The following CPA5 variants were observed in gnomAD, a reference collection of about 807,000 sequenced individuals.
CPA5 encodes carboxypeptidase A5.
In CPA5, 38 loss-of-function variants were observed where a neutral mutation model predicts 52.2. The observed-to-expected ratio is 0.73, with a 90% CI of 0.56 to 0.95. The LOEUF is 0.95. Among genes scored for constraint, CPA5 ranks in the 40% least tolerant of loss-of-function variants. CPA5 has a pLI of 0.00. For missense variants in CPA5, 519 were observed against 566.7 expected (o/e 0.92, Z 0.86); for synonymous variants, 198 against 213.7 (o/e 0.93, Z 0.64).
chr7:130,349,920 A>T, intron 4 of CPA5, 55 bp from the exon 5 acceptor site: 1 of 1,568,786 alleles, frequency 6.4e-7, no homozygotes, highest in Non-Finnish European at 8.6e-7. Flanking sequence ...CACCTACAGG[A>T]TTGTGTGGAA....
rs1554407008 is a variant in CPA5, at chr7:130,362,513, G to A, written c.610G>A (p.Ala204Thr). 1 of 1,613,506 alleles carries A rather than the reference G, an allele frequency of 6.2e-7. No homozygotes were observed. Among genetic ancestry groups the A allele is most frequent in the Admixed American group, 1.7e-5 (1 of 60,008 alleles). Residue 204 changes from alanine to threonine, a missense_variant, in exon 8 of 13, where the codon GCC (alanine) becomes ACC (threonine). By Grantham distance (58) the Ala-to-Thr change is moderately conservative. Coordinates refer to ENST00000474905, the MANE Select transcript of CPA5 (RefSeq NM_080385.5). ...TCACTCCCGGGAGTGGATCACCCAT[G>A]CCACCGGCATCTGGACTGCCAATAA... ...GIHSREWITH[A>T]TGIWTANKIV...
intron 5 of CPA5, among the ~76,000 whole-genome samples, chr7:130,355,626 T>C (rs4731687): frequency 0.19 from 29,384 of 152,228 alleles, 3,269 homozygotes; most frequent in African/African-American, 0.3. Context: ...AGGCCAGTCT[T>C]GAACTCCGGA....
rs1796226818 is a variant in CPA5, at chr7:130,368,520, C to T, written c.1234C>T (p.Gln412Ter). 1.9e-6 allele frequency: 3 copies of T among 1,614,040 alleles called. No homozygotes were observed. Among genetic ancestry groups the T allele is most frequent in the African/African-American group, 1.3e-5 (1 of 74,916 alleles). Residue 412 changes from glutamine (Q) to a stop codon, truncating the protein, a stop_gained, in exon 13 of 13, where the codon CAG becomes TAG. Coordinates refer to ENST00000474905, the MANE Select transcript of CPA5 (RefSeq NM_080385.5). LOFTEE classifies it high-confidence loss of function. The stretch of plus-strand genomic sequence containing the variant: ...GTATGGCTTCCTGCTGCCGGCCACA[C>T]AGATCATCCCCACGGCCCAGGAGAC... The part of the protein sequence containing the change: ...GQYGFLLPAT[Q>*]IIPTAQETWM...
intron 3 of CPA5, among the ~76,000 whole-genome samples, chr7:130,346,823 A>G (rs999443299): frequency 7.2e-5 from 11 of 152,164 alleles, no homozygotes; most frequent in Non-Finnish European, 1.6e-4. Flanking sequence ...TCCAGAGTCC[A>G]GGAGGAAGCC....
intron 5 of CPA5, among the ~76,000 whole-genome samples, chr7:130,356,794 T>C (rs1391154770): frequency 6.6e-6 from 1 of 152,192 alleles, no homozygotes; most frequent in Non-Finnish European, 1.5e-5. Context: ...TTCTCCTCCC[T>C]GTCCTCCACT....
chr7:130,368,641 C>G lies in CPA5; in HGVS notation c.*44C>G. 6.2e-7 allele frequency: 1 copy of G among 1,601,854 alleles called. No individual in the cohort carries two copies. On this transcript the variant is annotated 3_prime_UTR_variant, in exon 13 of 13. Transcript: ENST00000474905. Reference sequence around the variant, plus strand: ...GAGGCTCCATCCTTCTCCCCAAGGTCTGTGGCTCCTCCCGAAACCCAAGTT... The same window carrying G: ...GAGGCTCCATCCTTCTCCCCAAGGTGTGTGGCTCCTCCCGAAACCCAAGTT...
At chr7:130,373,520 G>A (rs1584846708), downstream of CPA5, among the ~76,000 whole-genome samples, 3 of 152,268 alleles carry the variant, frequency 2.0e-5, no homozygotes, top group Non-Finnish European at 2.9e-5. Flanking sequence ...TGAGGGGCCT[G>A]TGTGAGGCCA....
intron 6 of CPA5, among the ~76,000 whole-genome samples, chr7:130,360,010 C>G (rs1554406177): frequency 6.6e-6 from 1 of 152,184 alleles, no homozygotes. Context: ...TAGAAGCTAC[C>G]TTCATCTTGA....
In CPA5 at chr7:130,346,147, TC is replaced by T. The variant is rs1794721753; in HGVS notation, c.-93-243del. On this transcript the variant is annotated intron_variant, in intron 2 of 12. Transcript: ENST00000474905. Reference sequence around the variant, plus strand: ...TAGAGGAGGGAGGAAAGGAGGGGTATCCCAGGGCTGCTGGCTACTTTGGTCT... The same window carrying T: ...TAGAGGAGGGAGGAAAGGAGGGGTATCCAGGGCTGCTGGCTACTTTGGTCT... Among the ~76,000 whole-genome samples, 3 of 152,194 alleles carry T rather than the reference TC, an allele frequency of 2.0e-5. No homozygotes were observed. In the East Asian group the frequency reaches 5.8e-4, roughly 29 times the overall value.
chr7:130,361,623 A>G (rs569721532), intron 7 of CPA5, among the ~76,000 whole-genome samples: 1 of 152,302 alleles, frequency 6.6e-6, no homozygotes, highest in Non-Finnish European at 1.5e-5. Context: ...TTTGCTAATG[A>G]GGTCATCTGG....
At chr7:130,361,625 G>A (rs1198807998) in intron 7 of CPA5, among the ~76,000 whole-genome samples, 1 of 152,280 alleles carries the variant, frequency 6.6e-6, no homozygotes, top group African/African-American at 2.4e-5. Flanking sequence ...TGCTAATGAG[G>A]TCATCTGGCT....
downstream of CPA5, among the ~76,000 whole-genome samples, chr7:130,373,621 C>T (rs1403091850): frequency 6.6e-6 from 1 of 152,228 alleles, no homozygotes; most frequent in African/African-American, 2.4e-5. Context: ...CCTCCATGGC[C>T]CCTCTGACCA....
Position 130,368,660 on chromosome 7 carries a change from C to A in CPA5, c.*63C>A. On this transcript the variant is annotated 3_prime_UTR_variant, in exon 13 of 13. Coordinates refer to ENST00000474905, the MANE Select transcript of CPA5 (RefSeq NM_080385.5). ...CAAGGTCTGTGGCTCCTCCCGAAACCCAAGTTATGCATCCCCATCCCCATG... is the reference window on the plus strand; with the variant it reads ...CAAGGTCTGTGGCTCCTCCCGAAACACAAGTTATGCATCCCCATCCCCATG... 1.3e-6 allele frequency: 2 copies of A among 1,531,004 alleles called. No homozygotes were observed. The highest frequency in any genetic ancestry group is 4.5e-5 in the East Asian group (2 of 44,414). The allele number at this position is 1,531,004 out of a possible 1,614,324, so 94.8% of individuals were successfully genotyped here.
chr7:130,362,002 G>T (rs1795816445), intron 7 of CPA5, among the ~76,000 whole-genome samples: 1 of 152,050 alleles, frequency 6.6e-6, no homozygotes, highest in Non-Finnish European at 1.5e-5. Context: ...CTCTAATGTT[G>T]TCTGAAGCCT....
chr7:130,347,860 C>T lies in CPA5; in HGVS notation c.198+13C>T, dbSNP rs782136139. ...GAAACCCCAGAAGGTGAGGACTCCT[C>T]AGGCTTGAGGACAACCCCACCCCCT... On this transcript the variant is annotated intron_variant, in intron 4 of 12. Coordinates refer to ENST00000474905, the MANE Select transcript of CPA5 (RefSeq NM_080385.5). 129 of 1,610,350 alleles carry T rather than the reference C, an allele frequency of 8.0e-5. No homozygotes were observed. Among genetic ancestry groups the T allele is most frequent in the Non-Finnish European group, 1.1e-4 (126 of 1,176,878 alleles).
At chr7:130,367,618 G>A (rs4537231) in intron 11 of CPA5, 47 bp downstream of exon 11, 286,274 of 1,528,650 alleles carry the variant, frequency 0.19, 28,518 homozygotes, top group Middle Eastern at 0.2. Flanking sequence ...CGCTTCACAG[G>A]AAAATCCATA....
At chr7:130,362,791 T>C (rs1409454272) in intron 8 of CPA5, 93 bp from the exon 9 acceptor site, 2 of 780,298 alleles carry the variant, frequency 2.6e-6, no homozygotes, top group Admixed American at 4.2e-5. Flanking sequence ...TTTCATGCCA[T>C]CCCTTCCTGC....
chr7:130,352,918 G>A (rs1372388095), intron 5 of CPA5, among the ~76,000 whole-genome samples: 1 of 150,768 alleles, frequency 6.6e-6, no homozygotes, highest in Non-Finnish European at 1.5e-5. Flanking sequence ...GGCTTTTAAT[G>A]GCTTTTTTTC....
intron 5 of CPA5, among the ~76,000 whole-genome samples, chr7:130,356,399 G>T (rs1562953550): frequency 6.6e-6 from 1 of 152,200 alleles, no homozygotes; most frequent in Non-Finnish European, 1.5e-5. Flanking sequence ...TCTTTGTTTT[G>T]TTGTTTTTTC....
Sources: gnomAD v4.1 joint callset for allele counts (sites outside exome capture counted in the v4.1 genomes callset) on GRCh38, gnomAD v4.1.1 for gene constraint, MANE v1.5 for transcripts, NCBI Gene and HGNC (gene_info 2026-07-23, HGNC 2026-07-21) for gene names.